The following PREX1 variants were observed in gnomAD, a reference collection of about 807,000 sequenced individuals.
PREX1 encodes the protein phosphatidylinositol 3,4,5-trisphosphate-dependent Rac exchanger 1 protein.
In PREX1, 41 loss-of-function variants were observed where a neutral mutation model predicts 198.3. The ratio of observed to expected loss-of-function variants is 0.21; its 90% CI spans 0.16 to 0.27. The LOEUF (loss-of-function observed/expected upper bound fraction) is 0.27, where lower values mean the gene tolerates loss of function less well. Ranked by LOEUF, PREX1 falls within the 10% of genes least tolerant of loss-of-function variation. The pLI is 1.00. For missense variants in PREX1, 1,620 were observed against 2,200.7 expected, an observed-to-expected ratio of 0.74 and a Z score of 5.28; for synonymous variants, 843 against 887.2, an observed-to-expected ratio of 0.95 and a Z score of 0.89.
At chr20:48,639,171 C>T (rs2089389197) in intron 30 of PREX1, among the ~76,000 whole-genome samples, 1 of 152,218 alleles carries the variant, frequency 6.6e-6, no homozygotes, top group Non-Finnish European at 1.5e-5. Context: ...CTGGGGTGAA[C>T]TGGAAAGCAC....
In PREX1 at chr20:48,660,536, G is replaced by C. The variant is rs573604389; in HGVS notation, c.1739-475C>G. Among the ~76,000 whole-genome samples, 108 of 152,304 alleles carry C rather than the reference G, an allele frequency of 7.1e-4. 1 individual carries two copies. The highest frequency in any genetic ancestry group is 4.7e-4 in the Non-Finnish European group (32 of 68,022). On this transcript the variant is annotated intron_variant, in intron 15 of 39. Transcript: ENST00000371941. ...CACCATATGCAACAATAAGCTAATG[G>C]ATTAAAGACCTACGTATGAACAGTA...
intron 1 of PREX1, among the ~76,000 whole-genome samples, chr20:48,766,278 G>A (rs1352273921): frequency 6.6e-6 from 1 of 152,118 alleles, no homozygotes; most frequent in African/African-American, 2.4e-5. Flanking sequence ...ACCCGTCCCT[G>A]GTGCCAAAAC....
At chr20:48,796,688 G>T (rs1294613801) in intron 1 of PREX1, among the ~76,000 whole-genome samples, 2 of 150,004 alleles carry the variant, frequency 1.3e-5, no homozygotes, top group African/African-American at 2.4e-5. Flanking sequence ...ATCATATATG[G>T]TATATATAAC....
At chr20:48,842,497 G>C in the PREX1 span, among the ~76,000 whole-genome samples, 1 of 151,890 alleles carries the variant, frequency 6.6e-6, no homozygotes, top group Non-Finnish European at 1.5e-5. Flanking sequence ...GCTTTCTGGA[G>C]TGTGAAGTCT....
intron 4 of PREX1, 95 bp downstream of exon 4, chr20:48,734,451 T>G: frequency 1.9e-6 from 2 of 1,063,822 alleles, no homozygotes; most frequent in Non-Finnish European, 2.9e-6. Flanking sequence ...GGAAAGGATT[T>G]GGCACCATGG....
rs541053224 is a variant in PREX1 at position 48,666,169 on chromosome 20, A to G, written c.1738+114T>C. 9.1e-7 allele frequency: 1 copy of G among 1,096,556 alleles called. No homozygotes were observed. The highest frequency in any genetic ancestry group is 1.4e-5 in the South Asian group (1 of 70,566). 67.9% of individuals were successfully genotyped at this position (1,096,556 alleles called of 1,614,324 possible). A position where few individuals can be genotyped will look rare whatever the true frequency, so the allele number is the denominator to read the frequency against. On this transcript the variant is annotated intron_variant, in intron 15 of 39. Transcript: ENST00000371941. The surrounding 1 kb of genome is among the most constrained non-coding windows in gnomAD (Gnocchi z 4.3). ...AGGTGGGATTCGTGAGCCTCCCCAA[A>G]CCCCCGGGGGTCTAGAGAGCCACAG...
the PREX1 span, among the ~76,000 whole-genome samples, chr20:48,867,063 G>A: frequency 2.6e-5 from 4 of 152,148 alleles, no homozygotes; most frequent in Admixed American, 2.6e-4. Flanking sequence ...GGAAAGTAAG[G>A]AAGGAAGAAA....
the PREX1 span, among the ~76,000 whole-genome samples, chr20:48,849,198 A>T: frequency 6.6e-6 from 1 of 152,184 alleles, no homozygotes; most frequent in East Asian, 1.9e-4. Flanking sequence ...ATGTAGCTTA[A>T]ACATCCTTAA....
intron 25 of PREX1, among the ~76,000 whole-genome samples, chr20:48,647,946 C>G (rs142904700): frequency 1.3e-5 from 2 of 152,302 alleles, no homozygotes; most frequent in African/African-American, 2.4e-5. Context: ...CGTTCTTTCA[C>G]CCAGGCTGGA....
At chr20:48,770,261 G>C (rs1469867177) in intron 1 of PREX1, among the ~76,000 whole-genome samples, 1 of 152,162 alleles carries the variant, frequency 6.6e-6, no homozygotes, top group Non-Finnish European at 1.5e-5. Context: ...TGACTCAAGA[G>C]GTCTGGAAAA....
At chr20:48,649,872 G>C in intron 24 of PREX1, 124 bp downstream of exon 24, 1 of 1,160,948 alleles carries the variant, frequency 8.6e-7, no homozygotes, top group Non-Finnish European at 1.2e-6. Flanking sequence ...AAAGAGAGAA[G>C]GTCATCCCTG....
At chr20:48,660,170 T>C (rs549897165) in intron 15 of PREX1, 109 bp from the exon 16 acceptor site, 1 of 1,334,708 alleles carries the variant, frequency 7.5e-7, no homozygotes, top group East Asian at 2.3e-5. Context: ...CACGTTTGGT[T>C]TGGCAAACAC....
chr20:48,674,608 T>C (rs1025604355), intron 14 of PREX1, among the ~76,000 whole-genome samples: 1 of 152,218 alleles, frequency 6.6e-6, no homozygotes, highest in Non-Finnish European at 1.5e-5. Context: ...GCTTTGCTAC[T>C]ATGAAGCTGT....
intron 5 of PREX1, among the ~76,000 whole-genome samples, chr20:48,724,798 A>T (rs1056085192): frequency 6.6e-6 from 1 of 152,242 alleles, no homozygotes. Context: ...CACAGATCAC[A>T]CAAAGCACAT....
At chr20:48,643,237 G>A (rs1019937709) in intron 27 of PREX1, among the ~76,000 whole-genome samples, 11 of 152,202 alleles carry the variant, frequency 7.2e-5, no homozygotes, top group Admixed American at 3.3e-4. Flanking sequence ...TTGGGAGGCC[G>A]GGGCAGGCGG....
At chr20:48,828,562 G>A (rs1327460984), upstream of PREX1, among the ~76,000 whole-genome samples, 1 of 152,176 alleles carries the variant, frequency 6.6e-6, no homozygotes, top group Non-Finnish European at 1.5e-5. Flanking sequence ...GGGCAGTGAC[G>A]GCCCCTCCCG....
upstream of PREX1, among the ~76,000 whole-genome samples, chr20:48,832,125 T>A (rs73122610): frequency 0.041 from 6,051 of 146,516 alleles, 178 homozygotes; most frequent in Non-Finnish European, 0.059. Context: ...AAAAAAAAAA[T>A]TGCAGTTCAG....
At chr20:48,828,310 G>A (rs1217770668), upstream of PREX1, among the ~76,000 whole-genome samples, 1 of 151,822 alleles carries the variant, frequency 6.6e-6, no homozygotes. Context: ...TCCGCGCCCG[G>A]ACGCGTGGCG....
At chr20:48,663,143 C>A (rs1160907473) in intron 15 of PREX1, among the ~76,000 whole-genome samples, 1 of 152,206 alleles carries the variant, frequency 6.6e-6, no homozygotes, top group Non-Finnish European at 1.5e-5. Context: ...CCTATTCCCA[C>A]AGAACTCTGG....
Sources: allele counts gnomAD v4.1 joint callset (sites outside exome capture counted in the v4.1 genomes callset), GRCh38; gene constraint gnomAD v4.1.1; non-coding constraint Gnocchi (gnomAD v3.1); transcripts MANE v1.5; gene names NCBI Gene and HGNC (gene_info 2026-07-23, HGNC 2026-07-21).